Variants in WIPF1 observed in about 807,000 individuals in gnomAD.
WIPF1 encodes the protein WAS/WASL interacting protein family member 1.
Under a neutral mutation model 35.4 loss-of-function variants are expected in WIPF1, and 13 were observed. That is an observed-to-expected ratio of 0.37 (90% CI 0.24 to 0.58). The LOEUF (loss-of-function observed/expected upper bound fraction) is 0.58, where lower values mean the gene tolerates loss of function less well. Among genes scored for constraint, WIPF1 ranks in the 20% least tolerant of loss-of-function variants. WIPF1 has a pLI of 0.74. For synonymous variants in WIPF1, 267 were observed against 266.3 expected, an observed-to-expected ratio of 1.00 and a Z score of -0.02; for missense variants, 591 against 667.0, an observed-to-expected ratio of 0.89 and a Z score of 1.25.
At chr2:174,581,546 T>C in intron 2 of WIPF1, 107 bp from the exon 3 acceptor site, 1 of 1,420,242 alleles carries the variant, frequency 7.0e-7, no homozygotes, top group Non-Finnish European at 9.5e-7. Context: ...TTAAGGTTCT[T>C]GGTGATAGGT....
chr2:174,678,581 A>C (rs1688183548), intron 1 of WIPF1, among the ~76,000 whole-genome samples: 1 of 152,224 alleles, frequency 6.6e-6, no homozygotes, highest in African/African-American at 2.4e-5. Flanking sequence ...GCCTGGGGCC[A>C]AGTGTTATTG....
intron 1 of WIPF1, among the ~76,000 whole-genome samples, chr2:174,663,979 A>G (rs1013689307): frequency 6.6e-6 from 1 of 152,214 alleles, no homozygotes; most frequent in African/African-American, 2.4e-5. Context: ...CTGAGGCCCA[A>G]GGTCACACAT....
chr2:174,596,306 T>C (rs1028829636), intron 1 of WIPF1, among the ~76,000 whole-genome samples: 3 of 152,220 alleles, frequency 2.0e-5, no homozygotes, highest in Admixed American at 1.3e-4. Flanking sequence ...GACCTTAGAC[T>C]GATAAAAGGA....
In WIPF1 at chr2:174,658,049, A is replaced by C. The variant is rs76608824; in HGVS notation, c.-39+24725T>G. Among the ~76,000 whole-genome samples the C allele has an allele frequency of 9.7e-3, 1,475 of 152,018 alleles. 23 individuals carry two copies. Among genetic ancestry groups the C allele is most frequent in the African/African-American group, 0.034 (1,416 of 41,436 alleles). ...AGAAACCCTAGAGAATGAAAAACTT[A>C]TTCTTTAACTTTTCTTCTTCTGTGG... On this transcript the variant is annotated intron_variant, in intron 1 of 8. Transcript: ENST00000272746.
Position 174,571,437 on chromosome 2 carries a change from AT to A in WIPF1, c.1129+238del, listed in dbSNP as rs1468314046. 5 of 630,536 alleles carry A rather than the reference AT, an allele frequency of 7.9e-6. No individual in the cohort carries two copies. The highest frequency in any genetic ancestry group is 4.1e-4 in the Middle Eastern group (1 of 2,454). The allele number at this position is 630,536 out of a possible 1,614,324, so 39.1% of individuals were successfully genotyped here. On this transcript the variant is annotated intron_variant, in intron 5 of 7. Coordinates refer to ENST00000679041, the MANE Select transcript of WIPF1 (RefSeq NM_001375834.1). The surrounding 1 kb of genome is among the most constrained non-coding windows in gnomAD (Gnocchi z 4.6). ...CTTCTTTATTAACTAGCTCGTGACC[AT>A]TTAACTTTATTAGCTACTCAGTGTC...
At chr2:174,606,260 G>A (rs1019611300) in intron 1 of WIPF1, among the ~76,000 whole-genome samples, 4 of 152,262 alleles carry the variant, frequency 2.6e-5, no homozygotes, top group Admixed American at 1.3e-4. Flanking sequence ...GTAAATAGGT[G>A]AGATTGTAAT....
At chr2:174,674,903 T>TACACACACACACAC (rs35062209) in intron 1 of WIPF1, among the ~76,000 whole-genome samples, 36 of 134,022 alleles carry the variant, frequency 2.7e-4, no homozygotes, top group Non-Finnish European at 4.8e-4. Flanking sequence ...CAGGTTCAAA[T>TACACACACACACAC]ACACACACAC....
At chr2:174,643,165 C>A (rs997263658) in intron 1 of WIPF1, among the ~76,000 whole-genome samples, 2 of 149,160 alleles carry the variant, frequency 1.3e-5, no homozygotes, top group Admixed American at 1.3e-4. Flanking sequence ...GTTAATTGGA[C>A]ATCTTCTTTG....
At position 174,588,461 on chromosome 2, in the gene WIPF1, A is replaced by G. The variant is rs1037421813; in HGVS notation, c.-38-2850T>C. Reference sequence around the variant, plus strand: ...ATCAAATTGAACTTCTGTCCTGCACAGCTTAGGGGGCAGACTGTGGAATGG... The same window carrying G: ...ATCAAATTGAACTTCTGTCCTGCACGGCTTAGGGGGCAGACTGTGGAATGG... On this transcript the variant is annotated intron_variant, in intron 1 of 7. Coordinates refer to ENST00000679041, the MANE Select transcript of WIPF1 (RefSeq NM_001375834.1). Among the ~76,000 whole-genome samples, 6 of 152,170 alleles carry G rather than the reference A, an allele frequency of 3.9e-5. No individual in the cohort carries two copies. The South Asian group carries it at 1.2e-3, about 31-fold the overall frequency.
intron 1 of WIPF1, among the ~76,000 whole-genome samples, chr2:174,618,951 C>G (rs1173929353): frequency 6.6e-6 from 1 of 151,470 alleles, no homozygotes; most frequent in Non-Finnish European, 1.5e-5. Context: ...CTGACACATA[C>G]ACACACACAC....
chr2:174,625,252 G>A (rs1199995507), intron 1 of WIPF1, among the ~76,000 whole-genome samples: 2 of 151,710 alleles, frequency 1.3e-5, no homozygotes, highest in African/African-American at 4.8e-5. Context: ...CACTGTACAG[G>A]ATACAGGCCT....
chr2:174,658,760 C>G (rs1038007224), intron 1 of WIPF1, among the ~76,000 whole-genome samples: 1 of 151,838 alleles, frequency 6.6e-6, no homozygotes, highest in African/African-American at 2.4e-5. Context: ...GAGCCCCCCA[C>G]AGAAGGCAGG....
chr2:174,630,130 C>T (rs868176324), intron 1 of WIPF1, among the ~76,000 whole-genome samples: 15 of 152,092 alleles, frequency 9.9e-5, no homozygotes, highest in Middle Eastern at 3.2e-3. Flanking sequence ...TTTGTGTGTG[C>T]GAACACATAT....
intron 4 of WIPF1, 87 bp downstream of exon 4, chr2:174,575,117 G>A (rs542188879): frequency 7.9e-6 from 11 of 1,391,736 alleles, no homozygotes; most frequent in South Asian, 6.6e-5. Flanking sequence ...TAATAAGGGC[G>A]AAGAGCCTTA....
At chr2:174,677,798 C>T (rs376404725) in intron 1 of WIPF1, among the ~76,000 whole-genome samples, 3 of 152,128 alleles carry the variant, frequency 2.0e-5, no homozygotes, top group East Asian at 3.8e-4. Flanking sequence ...AATGGCAATG[C>T]AACAGCATAC....
At chr2:174,676,725 CA>C (rs1193669715) in intron 1 of WIPF1, 1 of 152,108 alleles carries the variant, frequency 6.6e-6, no homozygotes, top group Non-Finnish European at 1.5e-5. Context: ...GGTATTAGAC[CA>C]GGAAATATCA....
At chr2:174,621,687 T>C (rs1377095830) in intron 1 of WIPF1, among the ~76,000 whole-genome samples, 1 of 152,242 alleles carries the variant, frequency 6.6e-6, no homozygotes, top group Non-Finnish European at 1.5e-5. Context: ...TAACCTAATG[T>C]ATTTACAATA....
upstream of WIPF1, among the ~76,000 whole-genome samples, chr2:174,600,140 G>A (rs760922390): frequency 3.3e-5 from 5 of 152,168 alleles, no homozygotes; most frequent in African/African-American, 7.2e-5. Context: ...ACTTCCTGCT[G>A]TGTGGCCTGG....
chr2:174,657,521 T>C (rs1675600986), intron 1 of WIPF1, among the ~76,000 whole-genome samples: 1 of 152,118 alleles, frequency 6.6e-6, no homozygotes, highest in Admixed American at 6.6e-5. Flanking sequence ...CCTGCAGCAT[T>C]AATGTCGATG....
Sources: gnomAD v4.1 joint callset for allele counts (sites outside exome capture counted in the v4.1 genomes callset) on GRCh38, gnomAD v4.1.1 for gene constraint, Gnocchi (gnomAD v3.1) non-coding constraint, MANE v1.5 for transcripts, NCBI Gene and HGNC (gene_info 2026-07-23, HGNC 2026-07-21) for gene names.